LRRC7: variants seen among roughly 807,000 people sequenced by gnomAD.
The protein encoded by LRRC7 is leucine-rich repeat-containing protein 7.
In LRRC7, 23 loss-of-function variants were observed where a neutral mutation model predicts 175.7. The observed-to-expected ratio is 0.13, with a 90% CI of 0.09 to 0.19. LRRC7 has a LOEUF of 0.19. Among genes scored for constraint, LRRC7 ranks in the 10% least tolerant of loss-of-function variants. The pLI, the probability that LRRC7 is intolerant of heterozygous loss-of-function variation, is 1.00. For missense variants in LRRC7, 1,354 were observed against 1,904.7 expected (o/e 0.71, Z 5.38); for synonymous variants, 685 against 680.9 (o/e 1.01, Z -0.09).
At chr1:69,654,578 G>A (rs898586809) in intron 1 of LRRC7, among the ~76,000 whole-genome samples, 5 of 152,012 alleles carry the variant, frequency 3.3e-5, no homozygotes, top group Non-Finnish European at 7.4e-5. Flanking sequence ...CTATATCAGT[G>A]CACTTATGTA....
chr1:69,808,676 G>C (rs1570042049), intron 4 of LRRC7, among the ~76,000 whole-genome samples: 1 of 151,984 alleles, frequency 6.6e-6, no homozygotes, highest in East Asian at 1.9e-4. Flanking sequence ...GGTAAATAAT[G>C]ACATTAATGC....
chr1:69,917,077 T>G (rs949876816), intron 7 of LRRC7, among the ~76,000 whole-genome samples: 1 of 152,170 alleles, frequency 6.6e-6, no homozygotes, highest in Non-Finnish European at 1.5e-5. Context: ...ACATGTATAA[T>G]GTAACTATAG....
At chr1:69,997,892 G>T (rs1003731558) in intron 11 of LRRC7, among the ~76,000 whole-genome samples, 3 of 152,142 alleles carry the variant, frequency 2.0e-5, no homozygotes, top group Admixed American at 6.5e-5. Flanking sequence ...CCCGGCTTTG[G>T]TATCAGGATG....
chr1:69,668,699 T>G (rs1297549584), intron 1 of LRRC7, among the ~76,000 whole-genome samples: 1 of 152,214 alleles, frequency 6.6e-6, no homozygotes, highest in Non-Finnish European at 1.5e-5. Flanking sequence ...TTTCTGGCTC[T>G]AGATCCTTGA....
chr1:69,753,640 A>G (rs753980140), intron 2 of LRRC7, among the ~76,000 whole-genome samples: 41 of 152,154 alleles, frequency 2.7e-4, no homozygotes, highest in Non-Finnish European at 4.6e-4. Flanking sequence ...AATTAGTCAT[A>G]TTTTACACCC....
At chr1:69,759,857 T>C (rs1426990893) in intron 2 of LRRC7, among the ~76,000 whole-genome samples, 2 of 152,012 alleles carry the variant, frequency 1.3e-5, no homozygotes, top group East Asian at 1.9e-4. Context: ...TATAGCTCCA[T>C]GTTTCAAGTG....
At chr1:69,904,298 A>G (rs532357675) in intron 7 of LRRC7, among the ~76,000 whole-genome samples, 2 of 148,264 alleles carry the variant, frequency 1.3e-5, no homozygotes, top group East Asian at 3.9e-4. Context: ...TACAATAAAT[A>G]TTAAAAAAGA....
chr1:70,121,456 T>G (rs1319347559), intron 26 of LRRC7, among the ~76,000 whole-genome samples: 2 of 151,972 alleles, frequency 1.3e-5, no homozygotes, highest in Admixed American at 6.6e-5. Flanking sequence ...ACCACCCTAA[T>G]CAGCCCCTGC....
At chr1:69,642,815 G>GATAA (rs1470614834) in intron 1 of LRRC7, among the ~76,000 whole-genome samples, 46 of 140,426 alleles carry the variant, frequency 3.3e-4, no homozygotes, top group Admixed American at 1.9e-3. Context: ...ATGATACATA[G>GATAA]ATAGATAGAT....
At chr1:69,712,333 A>G (rs1057174691) in intron 2 of LRRC7, among the ~76,000 whole-genome samples, 1 of 152,188 alleles carries the variant, frequency 6.6e-6, no homozygotes, top group Non-Finnish European at 1.5e-5. Flanking sequence ...GGCCAGGTGC[A>G]GTGGCTACGC....
intron 1 of LRRC7, among the ~76,000 whole-genome samples, chr1:69,659,888 A>G (rs1657197880): frequency 6.6e-6 from 1 of 152,084 alleles, no homozygotes; most frequent in Admixed American, 6.5e-5. Context: ...AAAGGGTCCC[A>G]ATTCAAAAGA....
At chr1:69,701,196 C>T (rs922344430) in intron 2 of LRRC7, among the ~76,000 whole-genome samples, 5 of 151,778 alleles carry the variant, frequency 3.3e-5, no homozygotes, top group African/African-American at 1.2e-4. Flanking sequence ...ATATAAGGTA[C>T]TAAAAAGTAC....
chr1:69,705,836 T>C (rs963287290), intron 2 of LRRC7, among the ~76,000 whole-genome samples: 3 of 152,136 alleles, frequency 2.0e-5, no homozygotes, highest in African/African-American at 7.2e-5. Flanking sequence ...CTCTAATTTG[T>C]ATGGTTAATT....
intron 5 of LRRC7, among the ~76,000 whole-genome samples, chr1:69,827,695 C>T (rs1680078146): frequency 6.6e-6 from 1 of 151,820 alleles, no homozygotes; most frequent in Non-Finnish European, 1.5e-5. Flanking sequence ...AAAAATTGGC[C>T]TGGTGTGGTG....
intron 23 of LRRC7, among the ~76,000 whole-genome samples, chr1:70,053,783 A>G (rs575448919): frequency 3.4e-4 from 52 of 151,676 alleles, no homozygotes; most frequent in Non-Finnish European, 6.2e-4. Flanking sequence ...GTATTCTAAA[A>G]TATATTTTTT....
At position 70,136,427 on chromosome 1, in the gene LRRC7, T is replaced by G. The variant is rs979374526; in HGVS notation, c.*14540T>G. Among the ~76,000 whole-genome samples, 4 of 152,120 alleles carry G rather than the reference T, an allele frequency of 2.6e-5. No homozygotes were observed. Among genetic ancestry groups the G allele is most frequent in the African/African-American group, 9.7e-5 (4 of 41,432 alleles). ...TATATGTTTATCCTTTTTTAAAAAA[T>G]TATTTAACTGTTAAAACAATTTGCC... On this transcript the variant is annotated 3_prime_UTR_variant, in exon 27 of 27. Transcript: ENST00000651989.
chr1:69,723,082 A>G (rs1009331588), intron 2 of LRRC7, among the ~76,000 whole-genome samples: 2 of 152,090 alleles, frequency 1.3e-5, no homozygotes, highest in African/African-American at 4.8e-5. Flanking sequence ...TAATTCTATT[A>G]TATGTGGTTC....
intron 7 of LRRC7, among the ~76,000 whole-genome samples, chr1:69,913,189 T>A (rs901223205): frequency 3.9e-5 from 6 of 152,194 alleles, no homozygotes; most frequent in African/African-American, 1.4e-4. Context: ...TGATAAACAT[T>A]AACAAAGTGG....
At chr1:69,630,592 T>A (rs1652333659) in intron 1 of LRRC7, among the ~76,000 whole-genome samples, 1 of 151,094 alleles carries the variant, frequency 6.6e-6, no homozygotes, top group African/African-American at 2.4e-5. Flanking sequence ...TGTACATGCT[T>A]TTGATTAATC....
Sources: allele counts gnomAD v4.1 joint callset (sites outside exome capture counted in the v4.1 genomes callset), GRCh38; gene constraint gnomAD v4.1.1; transcripts MANE v1.5; gene names NCBI Gene and HGNC (gene_info 2026-07-23, HGNC 2026-07-21).